PDZD7: variants seen among roughly 807,000 people sequenced by gnomAD.
The protein encoded by PDZD7 is PDZ domain-containing protein 7.
A neutral mutation model predicts 84.7 loss-of-function variants in PDZD7; 72 were observed. The observed-to-expected ratio is 0.85, with a 90% CI of 0.70 to 1.03. PDZD7 has a LOEUF of 1.03. Among genes scored for constraint, PDZD7 ranks in the 50% least tolerant of loss-of-function variants. PDZD7 has a pLI of 0.00. For synonymous variants in PDZD7, 594 were observed against 580.7 expected, an observed-to-expected ratio of 1.02 and a Z score of -0.33; for missense variants, 1,490 against 1,412.9, an observed-to-expected ratio of 1.05 and a Z score of -0.87.
At chr10:101,020,558 G>C in intron 7 of PDZD7, 60 bp downstream of exon 7, 1 of 1,518,880 alleles carries the variant, frequency 6.6e-7, no homozygotes, top group South Asian at 1.1e-5. Context: ...TCAGAGAGCC[G>C]GGCCCCACCC....
intron 9 of PDZD7, chr10:101,017,751 A>G (rs903449411): frequency 3.6e-6 from 2 of 561,448 alleles, no homozygotes; most frequent in Non-Finnish European, 6.2e-6. Flanking sequence ...GTGCCATTAC[A>G]CTCTCGCCTG....
chr10:101,015,615 G>T, intron 11 of PDZD7, 21 bp downstream of exon 11: 6 of 1,545,418 alleles, frequency 3.9e-6, no homozygotes, highest in Non-Finnish European at 5.2e-6. Context: ...TGCCAGGGCT[G>T]CGGATGGGAT....
At chr10:101,029,958 C>T in intron 2 of PDZD7, 36 bp downstream of exon 2, 1 of 921,578 alleles carries the variant, frequency 1.1e-6, no homozygotes, top group Non-Finnish European at 1.7e-6. Flanking sequence ...CCCCCACCCT[C>T]CCCAACCCAG....
chr10:101,021,643 TTTC>T (rs1853103993), intron 6 of PDZD7, among the ~76,000 whole-genome samples, 152 bp downstream of exon 6: 1 of 152,160 alleles, frequency 6.6e-6, no homozygotes, highest in Admixed American at 6.5e-5. Flanking sequence ...TCTAAACCTG[TTTC>T]TTCTTCTTCA....
Position 101,030,131 on chromosome 10 carries a change from T to A in PDZD7, c.89A>T (p.His30Leu), listed in dbSNP as rs1281791143. ...GSLSSLSSRG[H>L]LGSDSGSTAT... Reference sequence around the variant, plus strand: ...GGTGGAGCCTGAGTCGCTGCCTAGGTGGCCTCGGGAGGAGAGGGAGCTCAG... The same window carrying A: ...GGTGGAGCCTGAGTCGCTGCCTAGGAGGCCTCGGGAGGAGAGGGAGCTCAG... The change falls in exon 2 of 17, where the codon CAC becomes CTC. Residue 30 changes from histidine to leucine, a missense_variant. Transcript: ENST00000619208. 6.2e-7 allele frequency: 1 copy of A among 1,614,174 alleles called. No individual in the cohort carries two copies. The highest frequency in any genetic ancestry group is 1.7e-5 in the Admixed American group (1 of 60,030).
intron 7 of PDZD7, among the ~76,000 whole-genome samples, chr10:101,019,545 T>G (rs914641448): frequency 1.1e-4 from 8 of 72,368 alleles, no homozygotes; most frequent in Admixed American, 7.3e-4. Context: ...TGCTTCTGCC[T>G]CCTCCTCCTC....
rs527678614 is a variant in PDZD7 at position 101,009,979 on chromosome 10, C to T, written c.2617+293G>A. Among the ~76,000 whole-genome samples the T allele has an allele frequency of 5.9e-5, 9 of 152,290 alleles. No individual in the cohort carries two copies. The South Asian group carries it at 6.2e-4, about 11-fold the overall frequency. On this transcript the variant is annotated intron_variant, in intron 15 of 16. Coordinates refer to ENST00000619208, the MANE Select transcript of PDZD7 (RefSeq NM_001195263.2). ...CCTCAGTTGGGCTCACGGCAACCTC[C>T]GCCTCCTGGGTTCAAGTGATTCTCC...
intron 14 of PDZD7, 68 bp from the exon 15 acceptor site, chr10:101,010,951 T>G: frequency 6.6e-7 from 1 of 1,518,356 alleles, no homozygotes; most frequent in Non-Finnish European, 8.8e-7. Flanking sequence ...TGCTTTGGTT[T>G]GTGTGGGGCC....
intron 9 of PDZD7, chr10:101,017,887 G>GAAAGA (rs746109316): frequency 2.5e-5 from 5 of 201,950 alleles, no homozygotes; most frequent in African/African-American, 8.4e-5. Context: ...AAGAAAGAAA[G>GAAAGA]AAAGAAAAGA....
Position 101,010,554 on chromosome 10 carries a change from G to GGCTGCA in PDZD7, c.2334_2335insTGCAGC (p.Ser778_Arg779insCysSer), listed in dbSNP as rs1403495039. 2.3e-5 allele frequency: 35 copies of GGCTGCA among 1,491,882 alleles called. No individual in the cohort carries two copies. The highest frequency in any genetic ancestry group is 3.1e-5 in the Non-Finnish European group (34 of 1,109,582). 92.4% of individuals were successfully genotyped at this position (1,491,882 alleles called of 1,614,324 possible). Reference sequence around the variant, plus strand: ...CCCCGGCTGCTGCGGCTGCGGCTGCGGCTACGGCTGCGGCTACGGCTCTGA... The same window carrying GGCTGCA: ...CCCCGGCTGCTGCGGCTGCGGCTGCGGCTGCAGCTACGGCTGCGGCTACGGCTCTGA... On this transcript the variant is annotated inframe_insertion, in exon 15 of 17. Transcript: ENST00000619208.
intron 2 of PDZD7, among the ~76,000 whole-genome samples, chr10:101,029,541 C>T (rs957282564): frequency 3.3e-5 from 5 of 152,194 alleles, no homozygotes; most frequent in African/African-American, 7.2e-5. Flanking sequence ...TCTGTCTACC[C>T]GCTTGGGCAC....
At chr10:101,021,746 G>A in intron 6 of PDZD7, 52 bp downstream of exon 6, 1 of 1,613,476 alleles carries the variant, frequency 6.2e-7, no homozygotes, top group Non-Finnish European at 8.5e-7. Flanking sequence ...AGGGTGGTCT[G>A]GGAAGCCCCT....
chr10:101,028,513 T>C (rs749550102), intron 2 of PDZD7, among the ~76,000 whole-genome samples: 3 of 152,028 alleles, frequency 2.0e-5, no homozygotes, highest in Non-Finnish European at 4.4e-5. Context: ...GAGGATCACT[T>C]GAGCCCAGAA....
chr10:101,008,316 G>A lies in PDZD7; in HGVS notation c.*151C>T. 4.9e-6 allele frequency: 4 copies of A among 817,918 alleles called. No homozygotes were observed. The highest frequency in any genetic ancestry group is 7.5e-6 in the Non-Finnish European group (4 of 536,886). The allele number at this position is 817,918 out of a possible 1,614,324, so 50.7% of individuals were successfully genotyped here. ...CAGAGCCTTAATGACAGCTGAGGAGGGAAGAAAGTGGAAAGATGTGAGCCA... is the reference window on the plus strand; with the variant it reads ...CAGAGCCTTAATGACAGCTGAGGAGAGAAGAAAGTGGAAAGATGTGAGCCA... On this transcript the variant is annotated 3_prime_UTR_variant, in exon 17 of 17. Coordinates refer to ENST00000619208, the MANE Select transcript of PDZD7 (RefSeq NM_001195263.2).
intron 9 of PDZD7, chr10:101,017,827 G>GA (rs1403782305): frequency 3.5e-6 from 1 of 286,270 alleles, no homozygotes; most frequent in Non-Finnish European, 5.8e-6. Context: ...GGAAAGAAAG[G>GA]AAGGAAGGAA....
chr10:101,010,862 A>G lies in PDZD7; in HGVS notation c.2027T>C (p.Leu676Pro). ...PVPDSRGGFY[L>P]LPVNGFPEEE... The stretch of plus-strand genomic sequence containing the variant: ...TTCCGGGAAGCCGTTCACCGGCAGC[A>G]GGTAGAAGCCTCCGCGGCTGTCTGG... Residue 676 changes from leucine (L) to proline (P), a missense_variant, in exon 15 of 17, where the codon CTG becomes CCG. Physicochemically the swap from Leu to Pro is moderately conservative, Grantham distance 98 (BLOSUM62 -3). Coordinates refer to ENST00000619208, the MANE Select transcript of PDZD7 (RefSeq NM_001195263.2). 1.3e-6 allele frequency: 2 copies of G among 1,534,296 alleles called. No homozygotes were observed. Among genetic ancestry groups the G allele is most frequent in the Non-Finnish European group, 1.7e-6 (2 of 1,146,844 alleles).
At chr10:101,030,661 T>C (rs1021785074) in intron 1 of PDZD7, 9 of 331,724 alleles carry the variant, frequency 2.7e-5, no homozygotes, top group East Asian at 1.5e-4. Flanking sequence ...GAGAGTGGAG[T>C]TGGGATTACT....
At chr10:101,028,602 T>TAA (rs71975380) in intron 2 of PDZD7, among the ~76,000 whole-genome samples, 3 of 134,836 alleles carry the variant, frequency 2.2e-5, no homozygotes, top group African/African-American at 8.6e-5. Flanking sequence ...CTTTCCCTCT[T>TAA]AAAAAAAAAA....
chr10:101,028,711 T>A (rs1229457670), intron 2 of PDZD7, among the ~76,000 whole-genome samples: 2 of 152,064 alleles, frequency 1.3e-5, no homozygotes, highest in Non-Finnish European at 2.9e-5. Flanking sequence ...ATAGCATAGT[T>A]CTTTTAATAG....
Sources: gnomAD v4.1 joint callset for allele counts (sites outside exome capture counted in the v4.1 genomes callset) on GRCh38, gnomAD v4.1.1 for gene constraint, MANE v1.5 for transcripts, NCBI Gene and HGNC (gene_info 2026-07-23, HGNC 2026-07-21) for gene names.